Variants in ARHGAP24 observed in about 807,000 individuals in gnomAD.
ARHGAP24 encodes the protein Rho GTPase activating protein 24.
A neutral mutation model predicts 76.4 loss-of-function variants in ARHGAP24; 50 were observed. That is an observed-to-expected ratio of 0.65 (90% CI 0.52 to 0.83). The LOEUF is 0.83. Among genes scored for constraint, ARHGAP24 ranks in the 40% least tolerant of loss-of-function variants. ARHGAP24 has a pLI of 0.00. For missense variants in ARHGAP24, 930 were observed against 914.2 expected (o/e 1.02, Z -0.22); for synonymous variants, 345 against 323.3 (o/e 1.07, Z -0.72).
At chr4:85,488,716 C>G (rs1391462604) in intron 1 of ARHGAP24, among the ~76,000 whole-genome samples, 1 of 152,138 alleles carries the variant, frequency 6.6e-6, no homozygotes, top group Non-Finnish European at 1.5e-5. Context: ...ACATCTGATG[C>G]ATATAATGAA....
chr4:85,843,888 G>C (rs926073768), intron 3 of ARHGAP24, among the ~76,000 whole-genome samples: 1 of 151,796 alleles, frequency 6.6e-6, no homozygotes, highest in African/African-American at 2.4e-5. Flanking sequence ...AACTATATGG[G>C]GTTTTCTTTA....
At chr4:85,707,770 G>C (rs932533790) in intron 2 of ARHGAP24, among the ~76,000 whole-genome samples, 1 of 152,066 alleles carries the variant, frequency 6.6e-6, no homozygotes, top group East Asian at 1.9e-4. Context: ...TGATGTCTCC[G>C]GCACAAGAAT....
intron 2 of ARHGAP24, among the ~76,000 whole-genome samples, chr4:85,619,523 A>G (rs781777160): frequency 4.0e-5 from 6 of 151,496 alleles, no homozygotes; most frequent in Middle Eastern, 3.4e-3. Context: ...TGAAATTTTG[A>G]TAGGAATTGC....
chr4:85,546,885 T>C (rs551172383), intron 1 of ARHGAP24, among the ~76,000 whole-genome samples: 31 of 152,230 alleles, frequency 2.0e-4, no homozygotes, highest in Non-Finnish European at 3.7e-4. Context: ...ACATTCTTTT[T>C]CATATGCTTT....
Position 85,487,663 on chromosome 4 carries a change from T to C in ARHGAP24, c.-21+12104T>C, listed in dbSNP as rs1723148008. ...ATAAACATATATTTATTACATATTATATAAACATATATTTATTATATTATA... is the reference window on the plus strand; with the variant it reads ...ATAAACATATATTTATTACATATTACATAAACATATATTTATTATATTATA... On this transcript the variant is annotated intron_variant, in intron 1 of 9. Transcript: ENST00000395184. 2.8e-5 allele frequency among the ~76,000 whole-genome samples: 3 copies of C among 106,992 alleles called. No individual in the cohort carries two copies. The South Asian group carries it at 7.9e-4, about 28-fold the overall frequency. The allele number at this position is 106,992 out of a possible 152,430, so 70.2% of individuals were successfully genotyped here.
chr4:85,561,330 C>T lies in ARHGAP24; in HGVS notation c.-20-9192C>T, dbSNP rs115985398. Among the ~76,000 whole-genome samples, 1,132 of 152,294 alleles carry T rather than the reference C, an allele frequency of 7.4e-3. 10 individuals are homozygous for T. The highest frequency in any genetic ancestry group is 0.026 in the African/African-American group (1,060 of 41,556). Reference sequence around the variant, plus strand: ...AAGAAATCCAATTGCTTCCCATAAACATATTTAGGCTCCTGGAATTTGTAT... The same window carrying T: ...AAGAAATCCAATTGCTTCCCATAAATATATTTAGGCTCCTGGAATTTGTAT... On this transcript the variant is annotated intron_variant, in intron 1 of 9. Transcript: ENST00000395184.
chr4:85,927,111 T>C (rs967745473), intron 4 of ARHGAP24, among the ~76,000 whole-genome samples: 3 of 152,078 alleles, frequency 2.0e-5, no homozygotes, highest in African/African-American at 4.8e-5. Flanking sequence ...GATGAATGAA[T>C]AAACAGAATG....
Position 85,659,065 on chromosome 4 carries a change from T to C in ARHGAP24, c.181-62820T>C, listed in dbSNP as rs574757409. On this transcript the variant is annotated intron_variant, in intron 2 of 9. Coordinates refer to ENST00000395184, the MANE Select transcript of ARHGAP24 (RefSeq NM_001025616.3). ...TCTCCCAGGAATATTTGACAACGTC[T>C]GGAGACAGTGTCTGGCTTGTCACAG... 3.3e-5 allele frequency among the ~76,000 whole-genome samples: 5 copies of C among 152,320 alleles called. No individual in the cohort carries two copies. The East Asian group carries it at 9.7e-4, about 29-fold the overall frequency.
chr4:85,841,072 CTAT>C (rs1211023883), intron 3 of ARHGAP24, among the ~76,000 whole-genome samples: 1 of 152,148 alleles, frequency 6.6e-6, no homozygotes, highest in African/African-American at 2.4e-5. Flanking sequence ...TTAGACCTAC[CTAT>C]TATTATGTTT....
intron 2 of ARHGAP24, among the ~76,000 whole-genome samples, chr4:85,659,990 A>G (rs557079721): frequency 9.2e-5 from 14 of 152,360 alleles, no homozygotes; most frequent in African/African-American, 3.1e-4. Flanking sequence ...ACAAGCAGCT[A>G]CCAGTGCAGT....
intron 3 of ARHGAP24, among the ~76,000 whole-genome samples, chr4:85,887,453 T>C (rs571274068): frequency 4.0e-4 from 61 of 152,060 alleles, no homozygotes; most frequent in Non-Finnish European, 6.9e-4. Flanking sequence ...AAATAGTGGG[T>C]AAAAGAGTAA....
At chr4:85,769,048 G>A (rs768629650) in intron 3 of ARHGAP24, among the ~76,000 whole-genome samples, 10 of 152,022 alleles carry the variant, frequency 6.6e-5, no homozygotes, top group Non-Finnish European at 1.5e-4. Flanking sequence ...GTCAAATAGT[G>A]ATGATGAAAA....
At chr4:85,778,929 G>A in intron 3 of ARHGAP24, 1 of 985,418 alleles carries the variant, frequency 1.0e-6, no homozygotes, top group Non-Finnish European at 1.2e-6. Flanking sequence ...TCGGCACTGG[G>A]AACAGCTGTG....
Position 86,000,866 on chromosome 4 carries a change from C to A in ARHGAP24, c.*144C>A. The A allele has an allele frequency of 1.6e-6, 2 of 1,233,434 alleles. No individual in the cohort carries two copies. The highest frequency in any genetic ancestry group is 2.3e-6 in the Non-Finnish European group (2 of 879,222). The allele number at this position is 1,233,434 out of a possible 1,614,324, so 76.4% of individuals were successfully genotyped here. On this transcript the variant is annotated 3_prime_UTR_variant, in exon 10 of 10. Coordinates refer to ENST00000395184, the MANE Select transcript of ARHGAP24 (RefSeq NM_001025616.3). ...AATATCATTTACAGACATTAAACATCCATATCTGCAATGTGTACCAAAGTT... is the reference window on the plus strand; with the variant it reads ...AATATCATTTACAGACATTAAACATACATATCTGCAATGTGTACCAAAGTT...
chr4:85,921,696 C>T (rs756815468), intron 3 of ARHGAP24, among the ~76,000 whole-genome samples: 2 of 152,216 alleles, frequency 1.3e-5, no homozygotes, highest in Middle Eastern at 6.8e-3. Context: ...CAGGGGACCC[C>T]AACCCCTGGG....
chr4:85,682,802 A>G (rs1314785482), intron 2 of ARHGAP24, among the ~76,000 whole-genome samples: 1 of 152,178 alleles, frequency 6.6e-6, no homozygotes, highest in African/African-American at 2.4e-5. Context: ...GACTCTCTGT[A>G]AAGGATACAA....
At chr4:85,882,214 T>C (rs1733297517) in intron 3 of ARHGAP24, among the ~76,000 whole-genome samples, 1 of 152,158 alleles carries the variant, frequency 6.6e-6, no homozygotes, top group Non-Finnish European at 1.5e-5. Context: ...GTCTATTACA[T>C]GTTAGGTATG....
intron 2 of ARHGAP24, among the ~76,000 whole-genome samples, chr4:85,662,560 G>C (rs1425683982): frequency 6.6e-6 from 1 of 151,662 alleles, no homozygotes; most frequent in African/African-American, 2.4e-5. Context: ...TTTTGCCATT[G>C]CTTTTGGTGT....
At chr4:85,820,241 C>T (rs1488673297) in intron 3 of ARHGAP24, among the ~76,000 whole-genome samples, 1 of 152,132 alleles carries the variant, frequency 6.6e-6, no homozygotes, top group Non-Finnish European at 1.5e-5. Flanking sequence ...ACCTAAATGC[C>T]TATCAGCAGT....
Sources: gnomAD v4.1 joint callset for allele counts (sites outside exome capture counted in the v4.1 genomes callset) on GRCh38, gnomAD v4.1.1 for gene constraint, MANE v1.5 for transcripts, NCBI Gene and HGNC (gene_info 2026-07-23, HGNC 2026-07-21) for gene names.